TXNDC9: variants seen among roughly 807,000 people sequenced by gnomAD.
TXNDC9 encodes thioredoxin domain containing 9.
A neutral mutation model predicts 23.0 loss-of-function variants in TXNDC9; 7 were observed. The observed-to-expected ratio is 0.30, with a 90% confidence interval of 0.17 to 0.57. The LOEUF is 0.57. Ranked by LOEUF, TXNDC9 falls within the 20% of genes least tolerant of loss-of-function variation. The pLI is 0.90. For missense variants in TXNDC9, 198 were observed against 252.6 expected, an observed-to-expected ratio of 0.78 and a Z score of 1.47; for synonymous variants, 72 against 90.6, an observed-to-expected ratio of 0.79 and a Z score of 1.17.
chr2:99,309,276 G>A, the TXNDC9 span, among the ~76,000 whole-genome samples: 1 of 151,980 alleles, frequency 6.6e-6, no homozygotes, highest in Non-Finnish European at 1.5e-5. Context: ...AGGAAGCTGA[G>A]GCAGGAGGAT....
intron 2 of TXNDC9, among the ~76,000 whole-genome samples, chr2:99,332,561 G>A (rs2094228606): frequency 6.6e-6 from 1 of 152,184 alleles, no homozygotes; most frequent in Admixed American, 6.5e-5. Flanking sequence ...TAGAGCTGTG[G>A]CCACCTTTGT....
rs745661932 is a variant in TXNDC9 at position 99,327,605 on chromosome 2, T to C, written c.238A>G (p.Arg80Gly). The C allele has an allele frequency of 3.7e-6, 6 of 1,613,930 alleles. No homozygotes were observed. The highest frequency in any genetic ancestry group is 2.2e-5 in the East Asian group (1 of 44,846). Residue 80 changes from arginine (R) to glycine (G), a missense_variant, in exon 3 of 5, where the codon AGA becomes GGA. Arg to Gly is a moderately radical substitution (Grantham distance 125, BLOSUM62 -2). Coordinates refer to ENST00000264255, the MANE Select transcript of TXNDC9 (RefSeq NM_005783.4). ...TCCTTGACTTCTTGAAAAAAGTCTC[T>C]TTCACTAGGGATTTCTCTGTATTCC... ...HGEYREIPSERDFFQEVKESE... is the reference protein window; with the variant it reads ...HGEYREIPSEGDFFQEVKESE...
the TXNDC9 span, among the ~76,000 whole-genome samples, chr2:99,309,010 A>T: frequency 1.3e-5 from 2 of 152,160 alleles, no homozygotes; most frequent in Non-Finnish European, 2.9e-5. Flanking sequence ...CCAAAGTAAA[A>T]TAAATATTAA....
intron 2 of TXNDC9, among the ~76,000 whole-genome samples, chr2:99,330,190 T>TGAGGCAGAAG: frequency 7.1e-6 from 1 of 141,328 alleles, no homozygotes; most frequent in Non-Finnish European, 1.5e-5. Flanking sequence ...CTTGGGAGGC[T>TGAGGCAGAAG]GAGGCAGAAG....
chr2:99,328,039 T>C (rs915830793), intron 2 of TXNDC9, among the ~76,000 whole-genome samples: 1 of 152,082 alleles, frequency 6.6e-6, no homozygotes, highest in African/African-American at 2.4e-5. Flanking sequence ...TGCCTCGGCT[T>C]CCCAAAGTGC....
At chr2:99,329,853 A>AG (rs2094220601) in intron 2 of TXNDC9, among the ~76,000 whole-genome samples, 1 of 151,940 alleles carries the variant, frequency 6.6e-6, no homozygotes, top group Admixed American at 6.6e-5. Flanking sequence ...CTGTAATCCC[A>AG]GCTCCTCGGG....
the TXNDC9 span, among the ~76,000 whole-genome samples, chr2:99,309,776 T>A: frequency 6.6e-6 from 1 of 152,166 alleles, no homozygotes; most frequent in African/African-American, 2.4e-5. Flanking sequence ...AACTTCTACC[T>A]CCCAGGTTCA....
At chr2:99,316,093 A>C (rs930865245), downstream of TXNDC9, among the ~76,000 whole-genome samples, 3 of 149,684 alleles carry the variant, frequency 2.0e-5, no homozygotes, top group Admixed American at 1.4e-4. Flanking sequence ...CTGACTCATA[A>C]AATAAAGCTT....
At chr2:99,334,579 C>T (rs2094234093) in intron 1 of TXNDC9, among the ~76,000 whole-genome samples, 1 of 152,126 alleles carries the variant, frequency 6.6e-6, no homozygotes, top group African/African-American at 2.4e-5. Flanking sequence ...AACATAATGG[C>T]ATTTGTGTAT....
chr2:99,331,615 C>G (rs1233539236), intron 2 of TXNDC9, among the ~76,000 whole-genome samples: 1 of 151,976 alleles, frequency 6.6e-6, no homozygotes, highest in Non-Finnish European at 1.5e-5. Context: ...TTTAGAAACT[C>G]AAAATATAAA....
the TXNDC9 span, among the ~76,000 whole-genome samples, chr2:99,309,178 G>T: frequency 2.6e-5 from 4 of 151,858 alleles, no homozygotes; most frequent in Non-Finnish European, 5.9e-5. Context: ...TTTGAGACCA[G>T]CCTGGCCCGC....
At chr2:99,313,939 G>A in the TXNDC9 span, among the ~76,000 whole-genome samples, 1 of 152,156 alleles carries the variant, frequency 6.6e-6, no homozygotes, top group East Asian at 1.9e-4. Flanking sequence ...GGGTTTTCCA[G>A]TGTAGTTACT....
At chr2:99,315,210 A>C (rs559615234), downstream of TXNDC9, among the ~76,000 whole-genome samples, 68 of 151,546 alleles carry the variant, frequency 4.5e-4, no homozygotes, top group Middle Eastern at 3.4e-3. Context: ...CTACAGGCGC[A>C]TGCCACCATA....
chr2:99,318,498 T>C (rs2094194714), downstream of TXNDC9, among the ~76,000 whole-genome samples: 1 of 152,128 alleles, frequency 6.6e-6, no homozygotes, highest in Non-Finnish European at 1.5e-5. Flanking sequence ...TGACTTGCCA[T>C]TTCCACTGGA....
chr2:99,327,487 A>G (rs1476858189), intron 3 of TXNDC9, 48 bp downstream of exon 3: 2 of 1,353,658 alleles, frequency 1.5e-6, no homozygotes, highest in East Asian at 2.3e-5. Context: ...CCAGCCAAAC[A>G]ATTCACTGTG....
downstream of TXNDC9, among the ~76,000 whole-genome samples, chr2:99,317,781 CTT>C (rs779657579): frequency 2.0e-5 from 3 of 152,048 alleles, no homozygotes; most frequent in Non-Finnish European, 2.9e-5. Context: ...CCTGGCCACT[CTT>C]TTGTTTCTGA....
chr2:99,321,883 A>C, intron 4 of TXNDC9, 72 bp downstream of exon 4: 1 of 1,400,234 alleles, frequency 7.1e-7, no homozygotes, highest in Non-Finnish European at 9.5e-7. Context: ...AAATGTTACA[A>C]TACAAAAATC....
intron 3 of TXNDC9, among the ~76,000 whole-genome samples, chr2:99,325,765 C>G (rs540666416): frequency 1.3e-4 from 20 of 152,202 alleles, no homozygotes; most frequent in African/African-American, 4.8e-4. Context: ...AATCCCAACA[C>G]TTTGGGAGGC....
At chr2:99,328,159 A>C (rs2105323884) in intron 2 of TXNDC9, among the ~76,000 whole-genome samples, 1 of 151,420 alleles carries the variant, frequency 6.6e-6, no homozygotes, top group Middle Eastern at 3.4e-3. Context: ...TGGTGGCATG[A>C]TCATAGCTCA....
Sources: allele counts gnomAD v4.1 joint callset (sites outside exome capture counted in the v4.1 genomes callset), GRCh38; gene constraint gnomAD v4.1.1; transcripts MANE v1.5; gene names NCBI Gene and HGNC (gene_info 2026-07-23, HGNC 2026-07-21).